XKR9: variants seen among roughly 807,000 people sequenced by gnomAD.
XKR9 encodes the protein XK-related protein 9.
XKR9 carries 32 observed loss-of-function variants against 32.0 expected under a neutral mutation model. The observed-to-expected ratio is 1.00, with a 90% confidence interval of 0.76 to 1.34. XKR9 has a LOEUF of 1.34. Among genes scored for constraint, XKR9 ranks in the 40% most tolerant of loss-of-function variants. The probability of loss-of-function intolerance (pLI) is 0.00; values close to 1 mark genes in which losing one functional copy is unlikely to be tolerated. For synonymous variants in XKR9, 168 were observed against 143.4 expected (o/e 1.17, Z -1.22); for missense variants, 546 against 429.7 (o/e 1.27, Z -2.39).
At chr8:70,879,781 C>T in the XKR9 span, among the ~76,000 whole-genome samples, 19 of 151,910 alleles carry the variant, frequency 1.3e-4, no homozygotes, top group African/African-American at 3.9e-4. Context: ...TTTACGAGGC[C>T]AACGTCATCC....
chr8:70,720,283 C>T lies in XKR9; in HGVS notation c.493+13130C>T, dbSNP rs192045305. Among the ~76,000 whole-genome samples, 3 of 152,168 alleles carry T rather than the reference C, an allele frequency of 2.0e-5. No homozygotes were observed. The South Asian group carries it at 6.2e-4, about 32-fold the overall frequency. ...ACTTCCTGTCTTCCCATTTGAATAC[C>T]CTTTATTTCTTTCTCTTGCCTGATT... On this transcript the variant is annotated intron_variant, in intron 4 of 4. Coordinates refer to ENST00000408926, the MANE Select transcript of XKR9 (RefSeq NM_001011720.2).
the XKR9 span, among the ~76,000 whole-genome samples, chr8:70,884,578 AT>A: frequency 6.6e-6 from 1 of 152,112 alleles, no homozygotes; most frequent in East Asian, 1.9e-4. Context: ...TGTCTAGATT[AT>A]TTTTTTAAAA....
chr8:70,916,371 A>T, the XKR9 span, among the ~76,000 whole-genome samples: 1 of 152,226 alleles, frequency 6.6e-6, no homozygotes, highest in Non-Finnish European at 1.5e-5. Flanking sequence ...GCCCCTGCAC[A>T]TTCTCCATTG....
chr8:70,706,240 G>A (rs1805714726), intron 3 of XKR9, among the ~76,000 whole-genome samples: 1 of 151,756 alleles, frequency 6.6e-6, no homozygotes, highest in Non-Finnish European at 1.5e-5. Context: ...TTTTGTTATC[G>A]ATTTTATCTA....
At chr8:70,728,893 G>T (rs116753692) in intron 4 of XKR9, among the ~76,000 whole-genome samples, 1 of 152,126 alleles carries the variant, frequency 6.6e-6, no homozygotes, top group Admixed American at 6.5e-5. Context: ...GAGCACAGCC[G>T]TGGGCTTGTA....
At chr8:70,880,372 C>A in the XKR9 span, among the ~76,000 whole-genome samples, 47 of 152,164 alleles carry the variant, frequency 3.1e-4, no homozygotes, top group Admixed American at 3.1e-3. Flanking sequence ...ATTTAGAAAA[C>A]CCCATCATCT....
At chr8:70,742,453 G>T (rs1807001537) in intron 2 of XKR9, among the ~76,000 whole-genome samples, 1 of 152,138 alleles carries the variant, frequency 6.6e-6, no homozygotes, top group Non-Finnish European at 1.5e-5. Context: ...AGTAATAAAG[G>T]GCCTAAAGAC....
the XKR9 span, among the ~76,000 whole-genome samples, chr8:70,852,958 A>G: frequency 6.6e-6 from 1 of 152,120 alleles, no homozygotes; most frequent in Non-Finnish European, 1.5e-5. Context: ...TATGTAACAA[A>G]CCTGCACATT....
At chr8:70,683,384 T>C (rs946730710) in intron 3 of XKR9, 2 of 336,024 alleles carry the variant, frequency 6.0e-6, no homozygotes, top group Non-Finnish European at 1.2e-5. Flanking sequence ...TTTTTCTACT[T>C]TATGTAGTTA....
chr8:70,969,605 C>T, the XKR9 span, among the ~76,000 whole-genome samples: 3 of 152,106 alleles, frequency 2.0e-5, no homozygotes, highest in Non-Finnish European at 4.4e-5. Context: ...AAGTCATTGT[C>T]CCAAACTTCC....
the XKR9 span, among the ~76,000 whole-genome samples, chr8:70,859,112 G>A: frequency 0.32 from 48,288 of 151,642 alleles, 8,988 homozygotes; most frequent in Non-Finnish European, 0.43. Context: ...TCTGACAAGG[G>A]ATGAGTAACC....
At chr8:70,980,401 T>C in the XKR9 span, among the ~76,000 whole-genome samples, 2 of 152,200 alleles carry the variant, frequency 1.3e-5, no homozygotes, top group African/African-American at 4.8e-5. Context: ...TGGAACCACC[T>C]CTCCCTACTG....
chr8:70,995,569 C>T, the XKR9 span, among the ~76,000 whole-genome samples: 1 of 152,190 alleles, frequency 6.6e-6, no homozygotes, highest in African/African-American at 2.4e-5. Context: ...AGGAAGAAAC[C>T]TACATGCTAC....
the XKR9 span, among the ~76,000 whole-genome samples, chr8:71,039,532 A>T: frequency 6.6e-6 from 1 of 152,228 alleles, no homozygotes; most frequent in Admixed American, 6.5e-5. Context: ...ACTCTTGTAA[A>T]GTAAAAAAAT....
chr8:70,982,134 T>C, the XKR9 span, among the ~76,000 whole-genome samples: 1 of 152,152 alleles, frequency 6.6e-6, no homozygotes, highest in Non-Finnish European at 1.5e-5. Flanking sequence ...AGCCAGGAGG[T>C]GGCACTTTCA....
the XKR9 span, among the ~76,000 whole-genome samples, chr8:71,050,383 G>A: frequency 4.1e-3 from 613 of 150,950 alleles, 4 homozygotes; most frequent in African/African-American, 0.014. Context: ...AAATTATTAT[G>A]GATTCTTAAA....
chr8:70,730,798 T>C (rs1211849570), intron 4 of XKR9, among the ~76,000 whole-genome samples: 1 of 152,238 alleles, frequency 6.6e-6, no homozygotes, highest in Admixed American at 6.5e-5. Flanking sequence ...TACACAGCAT[T>C]GAGCAGTTTC....
chr8:70,672,989 A>C (rs1317924471), intron 1 of XKR9, among the ~76,000 whole-genome samples: 1 of 152,086 alleles, frequency 6.6e-6, no homozygotes, highest in African/African-American at 2.4e-5. Flanking sequence ...TAGTTTGCAA[A>C]TATTTTCTTC....
chr8:70,837,590 G>C, the XKR9 span, among the ~76,000 whole-genome samples: 2 of 152,016 alleles, frequency 1.3e-5, no homozygotes, highest in African/African-American at 4.8e-5. Context: ...CAAGATGTAT[G>C]GTTTAAGGGA....
Sources: gnomAD v4.1 joint callset for allele counts (sites outside exome capture counted in the v4.1 genomes callset) on GRCh38, gnomAD v4.1.1 for gene constraint, MANE v1.5 for transcripts, NCBI Gene and HGNC (gene_info 2026-07-23, HGNC 2026-07-21) for gene names.